PATJ: variants seen among roughly 807,000 people sequenced by gnomAD.
PATJ encodes the protein inaD-like protein.
In PATJ, 190 loss-of-function variants were observed where a neutral mutation model predicts 224.9. The ratio of observed to expected loss-of-function variants is 0.84; its 90% CI spans 0.75 to 0.95. PATJ has a LOEUF of 0.95. PATJ is among the 40% of genes least tolerant of loss of function. The pLI, the probability that PATJ is intolerant of heterozygous loss-of-function variation, is 0.00. For synonymous variants in PATJ, 769 were observed against 820.3 expected (o/e 0.94, Z 1.07); for missense variants, 2,121 against 2,270.3 (o/e 0.93, Z 1.34).
chr1:61,980,710 C>T (rs1269467503), intron 27 of PATJ, among the ~76,000 whole-genome samples: 1 of 152,018 alleles, frequency 6.6e-6, no homozygotes, highest in Non-Finnish European at 1.5e-5. Flanking sequence ...GCAACGACTC[C>T]CAGCAGCCCT....
At chr1:61,751,703 G>A (rs1322915605) in intron 1 of PATJ, among the ~76,000 whole-genome samples, 2 of 151,996 alleles carry the variant, frequency 1.3e-5, no homozygotes, top group African/African-American at 2.4e-5. Context: ...GTGCATACCT[G>A]TAGTCTCAGC....
intron 41 of PATJ, among the ~76,000 whole-genome samples, chr1:62,134,928 C>T (rs922107297): frequency 3.9e-5 from 6 of 152,048 alleles, no homozygotes; most frequent in African/African-American, 9.7e-5. Flanking sequence ...GGGAGGAAGA[C>T]GGATGGCTTA....
intron 7 of PATJ, among the ~76,000 whole-genome samples, chr1:61,784,435 T>G (rs957770876): frequency 2.6e-5 from 4 of 152,270 alleles, no homozygotes; most frequent in Non-Finnish European, 1.5e-5. Flanking sequence ...TCAATCTGAC[T>G]AATGACTATT....
intron 11 of PATJ, among the ~76,000 whole-genome samples, chr1:61,799,337 C>T (rs78570526): frequency 0.055 from 8,361 of 152,070 alleles, 332 homozygotes; most frequent in East Asian, 0.11. Context: ...GAATTACAGG[C>T]GCTGCCCGCC....
intron 27 of PATJ, among the ~76,000 whole-genome samples, chr1:61,969,900 G>A (rs965017790): frequency 1.3e-5 from 2 of 151,988 alleles, no homozygotes; most frequent in Admixed American, 1.3e-4. Flanking sequence ...CACCATGTTG[G>A]CCGGACTGGT....
intron 27 of PATJ, among the ~76,000 whole-genome samples, chr1:61,937,952 G>C (rs1161716650): frequency 6.6e-6 from 1 of 152,134 alleles, no homozygotes; most frequent in African/African-American, 2.4e-5. Context: ...GCCTGGCCTA[G>C]GGACTTGCCT....
chr1:61,891,233 G>C (rs1669564814), intron 22 of PATJ, among the ~76,000 whole-genome samples: 1 of 152,164 alleles, frequency 6.6e-6, no homozygotes, highest in Admixed American at 6.5e-5. Context: ...AGTGGGAGGA[G>C]AAATAGGAGG....
At chr1:61,774,250 C>T (rs1646794721) in intron 6 of PATJ, among the ~76,000 whole-genome samples, 2 of 151,938 alleles carry the variant, frequency 1.3e-5, no homozygotes. Context: ...TGATCATGCA[C>T]TGCACTCTAA....
At chr1:61,871,511 G>A (rs866525590) in intron 20 of PATJ, among the ~76,000 whole-genome samples, 7,241 of 119,018 alleles carry the variant, frequency 0.061, 360 homozygotes, top group Middle Eastern at 0.089. Context: ...ACATATATAC[G>A]CATATATATA....
At chr1:61,903,445 A>G (rs949541366) in intron 24 of PATJ, among the ~76,000 whole-genome samples, 1 of 152,342 alleles carries the variant, frequency 6.6e-6, no homozygotes, top group African/African-American at 2.4e-5. Context: ...TGTTTTAGAC[A>G]TGTTAGGCTA....
At chr1:62,089,057 T>C (rs1660391055) in intron 33 of PATJ, among the ~76,000 whole-genome samples, 2 of 152,114 alleles carry the variant, frequency 1.3e-5, no homozygotes, top group Admixed American at 1.3e-4. Flanking sequence ...TTTGATTACT[T>C]TTGTAAATAA....
At chr1:62,066,422 C>T (rs1219449076) in intron 31 of PATJ, among the ~76,000 whole-genome samples, 1 of 150,514 alleles carries the variant, frequency 6.6e-6, no homozygotes, top group African/African-American at 2.5e-5. Context: ...CACACTCTGT[C>T]GCCCAGGTTG....
intron 20 of PATJ, among the ~76,000 whole-genome samples, chr1:61,871,489 A>ATACATATATATGTGTATG (rs1666537659): frequency 8.4e-6 from 1 of 119,432 alleles, no homozygotes; most frequent in Non-Finnish European, 1.8e-5. Context: ...ATATGTGTAT[A>ATACATATATATGTGTATG]TATGTATATA....
At chr1:62,132,745 A>AT (rs1452666936) in intron 41 of PATJ, among the ~76,000 whole-genome samples, 4 of 152,070 alleles carry the variant, frequency 2.6e-5, no homozygotes, top group Non-Finnish European at 4.4e-5. Flanking sequence ...TCTACAAAAA[A>AT]ATACAAAAAT....
chr1:62,026,860 A>G (rs1468767550), intron 29 of PATJ, among the ~76,000 whole-genome samples: 1 of 152,198 alleles, frequency 6.6e-6, no homozygotes, highest in Admixed American at 6.5e-5. Context: ...CTACTTGTGG[A>G]GTATATATCC....
chr1:62,044,120 CAGTTGAAATCTACTTTCTT>C (rs1558086260), intron 30 of PATJ, among the ~76,000 whole-genome samples: 1 of 152,174 alleles, frequency 6.6e-6, no homozygotes, highest in Non-Finnish European at 1.5e-5. Context: ...GTGGTGAGAA[CAGTTGAAATCTACTTTCTT>C]AGAGATTTTC....
rs74076523 is a variant in PATJ at position 62,086,863 on chromosome 1, G to T, written c.4377+2215G>T. Among the ~76,000 whole-genome samples, 5 of 152,078 alleles carry T rather than the reference G, an allele frequency of 3.3e-5. No homozygotes were observed. Among genetic ancestry groups the T allele is most frequent in the Non-Finnish European group, 7.4e-5 (5 of 68,016 alleles). Reference sequence around the variant, plus strand: ...GACCCAGCTGGCTGCTTTGGGTGCCGGCAGGAGCAGGCTCTGTGGGGTCCC... The same window carrying T: ...GACCCAGCTGGCTGCTTTGGGTGCCTGCAGGAGCAGGCTCTGTGGGGTCCC... On this transcript the variant is annotated intron_variant, in intron 33 of 43. Coordinates refer to ENST00000642238, the MANE Select transcript of PATJ (RefSeq NM_001350145.3). The surrounding 1 kb of genome is among the most constrained non-coding windows in gnomAD (Gnocchi z 4.0).
rs183408387 is a variant in PATJ at position 62,044,159 on chromosome 1, G to A, written c.4032+6110G>A. Among the ~76,000 whole-genome samples, 115 of 152,326 alleles carry A rather than the reference G, an allele frequency of 7.5e-4. 1 individual carries two copies. The highest frequency in any genetic ancestry group is 1.5e-3 in the Non-Finnish European group (99 of 68,028). ...TTTCTTAGAGATTTTCAAGAATACA[G>A]TACATTGTTGTACATTGTTATTAAC... is the stretch of plus-strand genomic sequence containing the variant. On this transcript the variant is annotated intron_variant, in intron 30 of 43. Transcript: ENST00000642238.
At chr1:62,075,726 C>T (rs191978971) in intron 31 of PATJ, among the ~76,000 whole-genome samples, 209 of 152,130 alleles carry the variant, frequency 1.4e-3, no homozygotes, top group African/African-American at 4.8e-3. Context: ...AGACCATTCT[C>T]ACTAACACGG....
Sources: gnomAD v4.1 joint callset for allele counts (sites outside exome capture counted in the v4.1 genomes callset) on GRCh38, gnomAD v4.1.1 for gene constraint, Gnocchi (gnomAD v3.1) non-coding constraint, MANE v1.5 for transcripts, NCBI Gene and HGNC (gene_info 2026-07-23, HGNC 2026-07-21) for gene names.